DOCK3: variants seen among roughly 807,000 people sequenced by gnomAD.
The protein encoded by DOCK3 is dedicator of cytokinesis 3.
Under a neutral mutation model 265.6 loss-of-function variants are expected in DOCK3, and 60 were observed. The ratio of observed to expected loss-of-function variants is 0.23; its 90% CI spans 0.18 to 0.28. The LOEUF is 0.28. DOCK3 is among the 10% of genes least tolerant of loss of function. DOCK3 has a pLI of 1.00. For synonymous variants in DOCK3, 881 were observed against 938.0 expected, an observed-to-expected ratio of 0.94 and a Z score of 1.11; for missense variants, 1,981 against 2,594.3, an observed-to-expected ratio of 0.76 and a Z score of 5.14.
intron 51 of DOCK3, among the ~76,000 whole-genome samples, chr3:51,378,695 T>G (rs1553617329): frequency 6.6e-6 from 1 of 152,218 alleles, no homozygotes; most frequent in African/African-American, 2.4e-5. Context: ...CACTGCTGCT[T>G]CTGCAGAGTG....
intron 3 of DOCK3, among the ~76,000 whole-genome samples, chr3:50,858,454 A>AATAATAATAAT (rs1559732505): frequency 1.4e-4 from 19 of 133,888 alleles, no homozygotes; most frequent in African/African-American, 5.4e-4. Flanking sequence ...ATAATAATAA[A>AATAATAATAAT]AATAAAATGT....
chr3:51,267,751 T>A (rs1483979894), intron 23 of DOCK3, among the ~76,000 whole-genome samples: 3 of 152,058 alleles, frequency 2.0e-5, no homozygotes, highest in Admixed American at 6.6e-5. Context: ...CAAATGCCCA[T>A]CAGTCATAGA....
chr3:51,100,431 A>G (rs1409559208), intron 9 of DOCK3, among the ~76,000 whole-genome samples: 2 of 152,196 alleles, frequency 1.3e-5, no homozygotes, highest in Non-Finnish European at 2.9e-5. Flanking sequence ...TGGGGCAAGT[A>G]TGGCCACCAG....
chr3:51,298,247 A>G (rs2082204887), intron 27 of DOCK3, among the ~76,000 whole-genome samples: 1 of 152,210 alleles, frequency 6.6e-6, no homozygotes, highest in Admixed American at 6.6e-5. Flanking sequence ...ATTTGTTCAT[A>G]CTAGAACCAT....
intron 27 of DOCK3, among the ~76,000 whole-genome samples, chr3:51,288,912 G>GTGTGTGTGTGTGTGTGCCCA (rs1328308469): frequency 2.6e-5 from 4 of 151,684 alleles, no homozygotes; most frequent in African/African-American, 9.7e-5. Context: ...GGGTGTGTGT[G>GTGTGTGTGTGTGTGTGCCCA]TGTGTGTGTG....
At chr3:50,935,732 C>T (rs542914870) in intron 5 of DOCK3, among the ~76,000 whole-genome samples, 5 of 152,290 alleles carry the variant, frequency 3.3e-5, no homozygotes, top group South Asian at 4.1e-4. Context: ...GGTGAAGTTA[C>T]GTCATCTACA....
Position 51,225,646 on chromosome 3 carries a change from C to T in DOCK3, c.1253-3C>T. The T allele has an allele frequency of 6.2e-7, 1 of 1,608,956 alleles. No homozygotes were observed. Among genetic ancestry groups the T allele is most frequent in the Non-Finnish European group, 8.5e-7 (1 of 1,177,744 alleles). On this transcript the variant is annotated splice_region_variant and splice_polypyrimidine_tract_variant and intron_variant, in intron 14 of 52. Coordinates refer to ENST00000266037, the MANE Select transcript of DOCK3 (RefSeq NM_004947.5). ...TAAGGATGTGGCATTTCTTTCCCCG[C>T]AGGTGATATCCGCAATGACCTGTAC...
chr3:51,247,461 TAAAAC>T (rs573214837), intron 22 of DOCK3, among the ~76,000 whole-genome samples: 8 of 152,244 alleles, frequency 5.3e-5, no homozygotes, highest in Admixed American at 1.3e-4. Flanking sequence ...GTTCTGCTGT[TAAAAC>T]AAACAAACAA....
At chr3:51,027,901 G>C (rs752312921) in intron 5 of DOCK3, among the ~76,000 whole-genome samples, 1 of 151,398 alleles carries the variant, frequency 6.6e-6, no homozygotes. Flanking sequence ...TTGCCACTCT[G>C]TATCTTTTAA....
intron 3 of DOCK3, among the ~76,000 whole-genome samples, chr3:50,889,188 C>G (rs1459133438): frequency 6.6e-6 from 1 of 151,202 alleles, no homozygotes; most frequent in Admixed American, 6.6e-5. Flanking sequence ...CCCCAAACTT[C>G]TGGGCTCAAG....
At chr3:50,728,130 C>T (rs1198215823) in intron 1 of DOCK3, among the ~76,000 whole-genome samples, 4 of 151,900 alleles carry the variant, frequency 2.6e-5, no homozygotes, top group South Asian at 2.1e-4. Context: ...AAATAAAAAC[C>T]GTAAAATAAT....
intron 5 of DOCK3, among the ~76,000 whole-genome samples, chr3:51,017,840 T>C (rs534108090): frequency 7.2e-5 from 11 of 152,018 alleles, no homozygotes; most frequent in South Asian, 2.1e-4. Context: ...CAAATAGTTA[T>C]GCAAATTTAC....
At chr3:50,939,391 A>G (rs1018354713) in intron 5 of DOCK3, among the ~76,000 whole-genome samples, 1 of 152,134 alleles carries the variant, frequency 6.6e-6, no homozygotes, top group Non-Finnish European at 1.5e-5. Context: ...TGAGGCTGCT[A>G]TTACCTTGAT....
intron 1 of DOCK3, among the ~76,000 whole-genome samples, chr3:50,689,885 A>G (rs2035089681): frequency 6.6e-6 from 1 of 152,170 alleles, no homozygotes; most frequent in African/African-American, 2.4e-5. Flanking sequence ...TTTATCAGAT[A>G]GGTGACTTGG....
chr3:51,036,232 A>G (rs962588137), intron 5 of DOCK3, among the ~76,000 whole-genome samples: 16 of 152,112 alleles, frequency 1.1e-4, no homozygotes, highest in African/African-American at 3.6e-4. Context: ...AGGAGGATCA[A>G]TTTGCTAGAC....
rs1470372212 is a variant in DOCK3, at chr3:51,225,668, G to A, written c.1272G>A (p.Leu424=). The A allele has an allele frequency of 6.2e-7, 1 of 1,613,470 alleles. No homozygotes were observed. Among genetic ancestry groups the A allele is most frequent in the Non-Finnish European group, 8.5e-7 (1 of 1,179,594 alleles). The change falls in exon 15 of 53, where the codon CTG becomes CTA. Residue 424 remains leucine, a synonymous_variant. Transcript: ENST00000266037. The part of the protein sequence containing the change: ...VIMPGDIRND[L]YLTLEKGDFE... ...CCGCAGGTGATATCCGCAATGACCT[G>A]TACCTAACCCTGGAGAAGGGGGATT...
intron 2 of DOCK3, among the ~76,000 whole-genome samples, chr3:50,799,200 C>A (rs2042946548): frequency 6.6e-6 from 1 of 152,092 alleles, no homozygotes; most frequent in East Asian, 1.9e-4. Context: ...TATTTGGGAT[C>A]TTTTCTGGTT....
chr3:51,076,243 G>A lies in DOCK3; in HGVS notation c.549+803G>A, dbSNP rs2082053039. ...TACTTACTAGCATACCCAAGCAATT[G>A]TGTTCAGTTGCTTTAACTATGCTGT... On this transcript the variant is annotated intron_variant, in intron 7 of 52. Coordinates refer to ENST00000266037, the MANE Select transcript of DOCK3 (RefSeq NM_004947.5). Among the ~76,000 whole-genome samples, 3 of 152,284 alleles carry A rather than the reference G, an allele frequency of 2.0e-5. 1 individual carries two copies. In the South Asian group the frequency reaches 6.2e-4, roughly 32 times the overall value.
intron 5 of DOCK3, among the ~76,000 whole-genome samples, chr3:51,040,543 C>T (rs112692238): frequency 0.015 from 2,349 of 152,164 alleles, 53 homozygotes; most frequent in African/African-American, 0.053. Context: ...GTGGTGATTA[C>T]TGAAGGTTGG....
Sources: gnomAD v4.1 joint callset for allele counts (sites outside exome capture counted in the v4.1 genomes callset) on GRCh38, gnomAD v4.1.1 for gene constraint, MANE v1.5 for transcripts, NCBI Gene and HGNC (gene_info 2026-07-23, HGNC 2026-07-21) for gene names.